CORIN: variants seen among roughly 807,000 people sequenced by gnomAD.
CORIN encodes the protein corin, serine peptidase.
Under a neutral mutation model 125.3 loss-of-function variants are expected in CORIN, and 117 were observed. The observed-to-expected ratio is 0.93, with a 90% CI of 0.80 to 1.09. CORIN has a LOEUF of 1.09. Among genes scored for constraint, CORIN ranks in the 50% least tolerant of loss-of-function variants. The pLI, the probability that CORIN is intolerant of heterozygous loss-of-function variation, is 0.00. For synonymous variants in CORIN, 450 were observed against 466.4 expected (o/e 0.96, Z 0.45); for missense variants, 1,253 against 1,306.7 (o/e 0.96, Z 0.63).
intron 5 of CORIN, among the ~76,000 whole-genome samples, chr4:47,702,385 T>C (rs1726340956): frequency 6.6e-6 from 1 of 152,208 alleles, no homozygotes; most frequent in Admixed American, 6.5e-5. Flanking sequence ...TATGGTAGTA[T>C]CTGAAAAGCT....
At chr4:47,823,732 G>C (rs1002687567) in intron 1 of CORIN, among the ~76,000 whole-genome samples, 6 of 152,106 alleles carry the variant, frequency 3.9e-5, no homozygotes, top group Non-Finnish European at 8.8e-5. Flanking sequence ...ACATTTAATT[G>C]CTTGATCAAT....
At chr4:47,771,963 G>A (rs757032614) in intron 3 of CORIN, among the ~76,000 whole-genome samples, 6 of 152,206 alleles carry the variant, frequency 3.9e-5, no homozygotes, top group Admixed American at 6.5e-5. Flanking sequence ...AGAGAAATAC[G>A]AGGTTTGGGA....
chr4:47,625,613 G>T (rs528405544), intron 17 of CORIN, among the ~76,000 whole-genome samples: 2 of 152,156 alleles, frequency 1.3e-5, no homozygotes, highest in South Asian at 4.1e-4. Context: ...AAGAGGAAAT[G>T]GTCCATTTTT....
At chr4:47,811,280 G>A (rs1732049786) in intron 1 of CORIN, among the ~76,000 whole-genome samples, 1 of 152,164 alleles carries the variant, frequency 6.6e-6, no homozygotes, top group African/African-American at 2.4e-5. Context: ...TGGAACCAGA[G>A]CTGATCATGA....
intron 2 of CORIN, among the ~76,000 whole-genome samples, chr4:47,794,022 A>G (rs1460006127): frequency 2.0e-5 from 3 of 152,170 alleles, no homozygotes; most frequent in African/African-American, 7.2e-5. Flanking sequence ...AAGAAAAAAA[A>G]TTGTCATGCT....
At chr4:47,623,979 T>C (rs527740117) in intron 17 of CORIN, 31 bp from the exon 18 acceptor site, 2 of 1,577,264 alleles carry the variant, frequency 1.3e-6, no homozygotes, top group South Asian at 2.2e-5. Flanking sequence ...TGGTATAACA[T>C]TAAGTTACAT....
chr4:47,672,747 G>A (rs1170763473), intron 10 of CORIN, among the ~76,000 whole-genome samples: 3 of 152,024 alleles, frequency 2.0e-5, no homozygotes, highest in African/African-American at 7.2e-5. Context: ...GTTTGAGTGT[G>A]TTGACTTTGT....
intron 2 of CORIN, among the ~76,000 whole-genome samples, chr4:47,792,819 G>A (rs1731137400): frequency 6.6e-6 from 1 of 152,162 alleles, no homozygotes; most frequent in Admixed American, 6.5e-5. Flanking sequence ...TCAAGATGGT[G>A]GCTAGTTCAT....
intron 19 of CORIN, among the ~76,000 whole-genome samples, chr4:47,622,576 T>C (rs1475249197): frequency 1.3e-5 from 2 of 152,118 alleles, no homozygotes; most frequent in Non-Finnish European, 2.9e-5. Context: ...ATTGTGGTTG[T>C]GATTTGCATT....
intron 1 of CORIN, among the ~76,000 whole-genome samples, chr4:47,820,153 G>A (rs766008507): frequency 2.0e-5 from 3 of 152,090 alleles, no homozygotes; most frequent in Non-Finnish European, 2.9e-5. Context: ...TAAATACATA[G>A]TGGCAGTCAA....
intron 6 of CORIN, 126 bp downstream of exon 6, chr4:47,692,844 G>A: frequency 1.4e-6 from 1 of 711,460 alleles, no homozygotes; most frequent in Non-Finnish European, 2.5e-6. Context: ...GTCATTCTGG[G>A]GGAAGATAAA....
At chr4:47,819,504 C>T (rs1732411716) in intron 1 of CORIN, among the ~76,000 whole-genome samples, 1 of 152,156 alleles carries the variant, frequency 6.6e-6, no homozygotes, top group Admixed American at 6.5e-5. Flanking sequence ...CAGGGAAAGA[C>T]AATCTCTTTA....
rs555489114 is a variant in CORIN at position 47,743,948 on chromosome 4, G to A, written c.799+454C>T. ...GCATCACTGTAATAGCTGAAAATTG[G>A]ATACAATGCAAATGTCCATCAACAG... is the stretch of plus-strand genomic sequence containing the variant. On this transcript the variant is annotated intron_variant, in intron 5 of 21. Transcript: ENST00000273857. Among the ~76,000 whole-genome samples, 44 of 151,990 alleles carry A rather than the reference G, an allele frequency of 2.9e-4. 1 individual carries two copies. The South Asian group carries it at 3.8e-3, about 13-fold the overall frequency.
intron 19 of CORIN, among the ~76,000 whole-genome samples, chr4:47,609,173 G>A (rs755860973): frequency 1.3e-5 from 2 of 152,050 alleles, no homozygotes; most frequent in Non-Finnish European, 2.9e-5. Context: ...CATCATTGCT[G>A]TTCTACAAAT....
At chr4:47,737,102 A>T (rs1394599736) in intron 5 of CORIN, among the ~76,000 whole-genome samples, 1 of 152,226 alleles carries the variant, frequency 6.6e-6, no homozygotes, top group African/African-American at 2.4e-5. Context: ...GGAGGAAGGG[A>T]ATATAGTAAG....
At chr4:47,746,177 C>T (rs1015903033) in intron 4 of CORIN, among the ~76,000 whole-genome samples, 1 of 152,140 alleles carries the variant, frequency 6.6e-6, no homozygotes, top group African/African-American at 2.4e-5. Flanking sequence ...ACTCTTATCC[C>T]AGAGAAGTTA....
At chr4:47,653,731 T>A in intron 12 of CORIN, 71 bp from the exon 13 acceptor site, 2 of 1,332,112 alleles carry the variant, frequency 1.5e-6, no homozygotes, top group Non-Finnish European at 2.1e-6. Context: ...TATTTACATG[T>A]AGGATGTTGT....
At chr4:47,667,298 C>T (rs2351783) in intron 10 of CORIN, among the ~76,000 whole-genome samples, 39,332 of 152,024 alleles carry the variant, frequency 0.26, 5,329 homozygotes, top group Admixed American at 0.35. Flanking sequence ...TTATCAGCAG[C>T]GTGAAAACAG....
intron 3 of CORIN, among the ~76,000 whole-genome samples, chr4:47,767,604 G>A (rs1215940472): frequency 6.6e-6 from 1 of 152,084 alleles, no homozygotes; most frequent in East Asian, 1.9e-4. Context: ...TGATAACAAT[G>A]AGCTATTAAT....
Sources: gnomAD v4.1 joint callset for allele counts (sites outside exome capture counted in the v4.1 genomes callset) on GRCh38, gnomAD v4.1.1 for gene constraint, MANE v1.5 for transcripts, NCBI Gene and HGNC (gene_info 2026-07-23, HGNC 2026-07-21) for gene names.